The following GPC5 variants were observed in gnomAD, a reference collection of about 807,000 sequenced individuals.
GPC5 encodes glypican-5.
A neutral mutation model predicts 53.9 loss-of-function variants in GPC5; 47 were observed. The observed-to-expected ratio is 0.87, with a 90% CI of 0.69 to 1.11. GPC5 has a LOEUF of 1.11. Ranked by LOEUF, GPC5 falls within the 50% of genes most tolerant of loss-of-function variation. The probability of loss-of-function intolerance (pLI) is 0.00; values close to 1 mark genes in which losing one functional copy is unlikely to be tolerated. For missense variants in GPC5, 748 were observed against 713.1 expected (o/e 1.05, Z -0.56); for synonymous variants, 286 against 263.3 (o/e 1.09, Z -0.84).
At chr13:92,341,128 G>A (rs553840940) in intron 7 of GPC5, among the ~76,000 whole-genome samples, 3 of 152,190 alleles carry the variant, frequency 2.0e-5, no homozygotes, top group African/African-American at 7.2e-5. Context: ...TAAAAAGTAT[G>A]TCCACATTCT....
chr13:92,349,469 ATTAAT>A (rs1233879627), intron 7 of GPC5, among the ~76,000 whole-genome samples: 4 of 147,374 alleles, frequency 2.7e-5, no homozygotes, highest in Non-Finnish European at 1.5e-5. Flanking sequence ...TTTTTTTTTA[ATTAAT>A]TTATTTTTAA....
At chr13:91,756,730 A>G (rs1237339626) in intron 5 of GPC5, among the ~76,000 whole-genome samples, 2 of 152,136 alleles carry the variant, frequency 1.3e-5, no homozygotes. Flanking sequence ...TGTTTACCAA[A>G]TATTGTATTT....
intron 1 of GPC5, among the ~76,000 whole-genome samples, chr13:91,402,155 T>G (rs1472932294): frequency 2.0e-5 from 3 of 152,176 alleles, no homozygotes. Flanking sequence ...GGGAAGTTCA[T>G]AAAAAATAAT....
At chr13:92,628,134 A>C (rs1368775803) in intron 7 of GPC5, among the ~76,000 whole-genome samples, 1 of 152,146 alleles carries the variant, frequency 6.6e-6, no homozygotes, top group Admixed American at 6.5e-5. Flanking sequence ...CAGGAATTAG[A>C]AAAGAGAGGG....
In GPC5 at chr13:91,798,273, A is replaced by T. The variant is rs368730384; in HGVS notation, c.1280+41853A>T. Among the ~76,000 whole-genome samples, 8 of 152,304 alleles carry T rather than the reference A, an allele frequency of 5.3e-5. No homozygotes were observed. The East Asian group carries it at 7.7e-4, about 15-fold the overall frequency. Reference sequence around the variant, plus strand: ...TGTGCCATGGTGGTTTGCAGAACACACCAACCCATCACCTAGGTATTAAGC... The same window carrying T: ...TGTGCCATGGTGGTTTGCAGAACACTCCAACCCATCACCTAGGTATTAAGC... On this transcript the variant is annotated intron_variant, in intron 5 of 7. Coordinates refer to ENST00000377067, the MANE Select transcript of GPC5 (RefSeq NM_004466.6).
At chr13:92,427,990 C>G (rs984239673) in intron 7 of GPC5, among the ~76,000 whole-genome samples, 1 of 152,126 alleles carries the variant, frequency 6.6e-6, no homozygotes, top group Non-Finnish European at 1.5e-5. Flanking sequence ...AGTTTTCAGA[C>G]AGCCTGTATC....
chr13:92,559,235 G>A (rs1197042506), intron 7 of GPC5, among the ~76,000 whole-genome samples: 39 of 151,726 alleles, frequency 2.6e-4, no homozygotes, highest in Non-Finnish European at 1.5e-4. Context: ...ATGCAATGAC[G>A]AAAGAGATGA....
Position 91,429,113 on chromosome 13 carries a change from T to C in GPC5, c.164-19648T>C, listed in dbSNP as rs183047221. 1.0e-3 allele frequency among the ~76,000 whole-genome samples: 157 copies of C among 152,266 alleles called. 1 individual carries two copies. Among genetic ancestry groups the C allele is most frequent in the Non-Finnish European group, 1.7e-3 (115 of 68,024 alleles). On this transcript the variant is annotated intron_variant, in intron 1 of 7. Coordinates refer to ENST00000377067, the MANE Select transcript of GPC5 (RefSeq NM_004466.6). The stretch of plus-strand genomic sequence containing the variant: ...TTTTATATTTTTAGTAGAGATGGGG[T>C]TTCACCATGTTGGCCAGGCTGGTCT...
At chr13:91,710,109 A>G (rs1353192509) in intron 3 of GPC5, among the ~76,000 whole-genome samples, 2 of 152,208 alleles carry the variant, frequency 1.3e-5, no homozygotes, top group Admixed American at 6.5e-5. Flanking sequence ...CCACCTCACC[A>G]GTAAAACTGG....
At chr13:92,801,491 T>C (rs1274271505) in intron 7 of GPC5, among the ~76,000 whole-genome samples, 1 of 151,808 alleles carries the variant, frequency 6.6e-6, no homozygotes, top group African/African-American at 2.4e-5. Flanking sequence ...ATGACTATAT[T>C]ACTGATTTGA....
intron 7 of GPC5, among the ~76,000 whole-genome samples, chr13:92,548,510 G>C (rs934551924): frequency 2.0e-5 from 3 of 151,476 alleles, no homozygotes; most frequent in Non-Finnish European, 4.4e-5. Context: ...AAATATCCAA[G>C]CCTTTCTTTC....
rs186376830 is a variant in GPC5, at chr13:92,843,804, T to C, written c.1562-22478T>C. 1.7e-3 allele frequency among the ~76,000 whole-genome samples: 253 copies of C among 152,224 alleles called. 1 individual carries two copies. The highest frequency in any genetic ancestry group is 5.2e-3 in the African/African-American group (216 of 41,534). ...GTTGCTAAATAACAAGCGAGAAAAT[T>C]ACACAGCTGATGTAACTGTGTAACT... On this transcript the variant is annotated intron_variant, in intron 7 of 7. Transcript: ENST00000377067.
At chr13:91,834,666 A>G (rs1361070996) in intron 5 of GPC5, among the ~76,000 whole-genome samples, 3 of 152,224 alleles carry the variant, frequency 2.0e-5, no homozygotes, top group Non-Finnish European at 1.5e-5. Flanking sequence ...TATTTAATAA[A>G]TGGTGTTAGG....
At chr13:91,524,634 C>T (rs1886000276) in intron 2 of GPC5, among the ~76,000 whole-genome samples, 1 of 151,968 alleles carries the variant, frequency 6.6e-6, no homozygotes. Flanking sequence ...TCATCCTGGG[C>T]CAGACCAGAA....
In GPC5 at chr13:91,967,688, C is replaced by T. The variant is rs532283036; in HGVS notation, c.1401+59631C>T. Reference sequence around the variant, plus strand: ...GAAGAGCATTTCATAATTTAACCATCAGCAATATTTATATATTATTGTTAA... The same window carrying T: ...GAAGAGCATTTCATAATTTAACCATTAGCAATATTTATATATTATTGTTAA... On this transcript the variant is annotated intron_variant, in intron 6 of 7. Transcript: ENST00000377067. Among the ~76,000 whole-genome samples, 4 of 152,032 alleles carry T rather than the reference C, an allele frequency of 2.6e-5. No individual in the cohort carries two copies. In the South Asian group the frequency reaches 6.2e-4, roughly 24 times the overall value.
At chr13:92,598,956 C>A (rs1275729117) in intron 7 of GPC5, among the ~76,000 whole-genome samples, 6 of 152,140 alleles carry the variant, frequency 3.9e-5, no homozygotes, top group Non-Finnish European at 1.5e-5. Flanking sequence ...ACAAAATAAA[C>A]CCTTTAACCT....
intron 2 of GPC5, among the ~76,000 whole-genome samples, chr13:91,588,718 C>T (rs2032688967): frequency 6.6e-6 from 1 of 152,130 alleles, no homozygotes; most frequent in Non-Finnish European, 1.5e-5. Flanking sequence ...CTTGATCTCT[C>T]TTTCTTCTTT....
intron 7 of GPC5, among the ~76,000 whole-genome samples, chr13:92,790,161 A>T (rs1466171113): frequency 6.6e-6 from 1 of 152,134 alleles, no homozygotes; most frequent in Non-Finnish European, 1.5e-5. Context: ...CTTCAAATCC[A>T]CTGACTCAAA....
chr13:91,423,464 G>A (rs2138993069), intron 1 of GPC5, among the ~76,000 whole-genome samples: 1 of 152,250 alleles, frequency 6.6e-6, no homozygotes, highest in East Asian at 1.9e-4. Flanking sequence ...TAAACTGGGA[G>A]ATACAGACTT....
Sources: gnomAD v4.1 joint callset for allele counts (sites outside exome capture counted in the v4.1 genomes callset) on GRCh38, gnomAD v4.1.1 for gene constraint, MANE v1.5 for transcripts, NCBI Gene and HGNC (gene_info 2026-07-23, HGNC 2026-07-21) for gene names.